The following MAPK10 variants were observed in gnomAD, a reference collection of about 807,000 sequenced individuals.
MAPK10 encodes the protein JNK3 alpha protein kinase.
MAPK10 carries 25 observed loss-of-function variants against 59.3 expected under a neutral mutation model. The observed-to-expected ratio is 0.42, with a 90% CI of 0.31 to 0.59. The LOEUF (loss-of-function observed/expected upper bound fraction) is 0.59. Ranked by LOEUF, MAPK10 falls within the 20% of genes least tolerant of loss-of-function variation. The probability of loss-of-function intolerance (pLI) is 0.15; values close to 1 mark genes in which losing one functional copy is unlikely to be tolerated. For synonymous variants in MAPK10, 190 were observed against 200.5 expected (o/e 0.95, Z 0.44); for missense variants, 351 against 568.9 (o/e 0.62, Z 3.90).
upstream of MAPK10, among the ~76,000 whole-genome samples, chr4:86,455,143 T>G (rs1320425297): frequency 6.6e-6 from 1 of 152,136 alleles, no homozygotes; most frequent in African/African-American, 2.4e-5. Flanking sequence ...GTCTAAATCT[T>G]GAAACATATC....
intron 1 of MAPK10, among the ~76,000 whole-genome samples, chr4:86,428,944 AT>A (rs1747666280): frequency 6.6e-6 from 1 of 152,200 alleles, no homozygotes; most frequent in Admixed American, 6.5e-5. Flanking sequence ...TATTCTCTGC[AT>A]AAAACATTAG....
At chr4:86,123,565 G>C (rs1207429965) in intron 4 of MAPK10, 1 of 152,056 alleles carries the variant, frequency 6.6e-6, no homozygotes, top group African/African-American at 2.4e-5. Context: ...GTCTAAGCAA[G>C]TGACATAACC....
At chr4:86,543,192 AG>A (rs1012407913) in intron 1 of MAPK10, among the ~76,000 whole-genome samples, 1 of 152,192 alleles carries the variant, frequency 6.6e-6, no homozygotes, top group Non-Finnish European at 1.5e-5. Flanking sequence ...CCAAAGAAGT[AG>A]GTGCATTGAG....
At chr4:86,452,620 C>T (rs1441195159) in intron 1 of MAPK10, among the ~76,000 whole-genome samples, 1 of 152,102 alleles carries the variant, frequency 6.6e-6, no homozygotes, top group Non-Finnish European at 1.5e-5. Flanking sequence ...ACATTAAACT[C>T]AACACACCAT....
At chr4:86,403,452 G>T (rs1192534360) in intron 1 of MAPK10, among the ~76,000 whole-genome samples, 1 of 152,046 alleles carries the variant, frequency 6.6e-6, no homozygotes, top group African/African-American at 2.4e-5. Context: ...GGAGACAGAG[G>T]TTGCAGTGAG....
At chr4:86,576,835 C>G (rs890118337) in intron 1 of MAPK10, among the ~76,000 whole-genome samples, 2 of 151,566 alleles carry the variant, frequency 1.3e-5, no homozygotes, top group South Asian at 2.1e-4. Flanking sequence ...GAACACTAGA[C>G]GAAGGTTTTA....
At chr4:86,042,492 TA>T (rs1426111396) in intron 11 of MAPK10, among the ~76,000 whole-genome samples, 5 of 151,742 alleles carry the variant, frequency 3.3e-5, no homozygotes, top group African/African-American at 4.8e-5. Context: ...AGTAAAATTT[TA>T]AAAAAAAGTG....
intron 2 of MAPK10, among the ~76,000 whole-genome samples, chr4:86,222,779 T>C (rs1431589979): frequency 6.6e-6 from 1 of 152,212 alleles, no homozygotes; most frequent in Non-Finnish European, 1.5e-5. Context: ...CCTAATAGAC[T>C]TTTACACACA....
At chr4:86,134,365 C>G (rs2061519586) in intron 4 of MAPK10, among the ~76,000 whole-genome samples, 1 of 152,112 alleles carries the variant, frequency 6.6e-6, no homozygotes, top group Admixed American at 6.6e-5. Flanking sequence ...ATCTAGCCAG[C>G]CAGACAAATT....
intron 2 of MAPK10, among the ~76,000 whole-genome samples, chr4:86,233,718 A>AT (rs2091902813): frequency 6.6e-6 from 1 of 152,220 alleles, no homozygotes; most frequent in Admixed American, 6.5e-5. Flanking sequence ...TTTCTCACTC[A>AT]TTTGAGTCAG....
chr4:86,015,370 GCT>G lies in MAPK10; in HGVS notation c.*1856_*1857del, dbSNP rs2148886867. The G allele has an allele frequency of 6.6e-6, 1 of 152,256 alleles. No homozygotes were observed. The highest frequency in any genetic ancestry group is 1.9e-4 in the East Asian group (1 of 5,180). The allele number at this position is 152,256 out of a possible 1,614,324, so 9.4% of individuals were successfully genotyped here. A position where few individuals can be genotyped will look rare whatever the true frequency, so the allele number is the denominator to read the frequency against. ...TTTCAGAGCACTGGCATTCTTGTTT[GCT>G]CTGTTTTGGGGATATTCTATTTGCC... On this transcript the variant is annotated 3_prime_UTR_variant, in exon 14 of 14. Transcript: ENST00000641462.
intron 4 of MAPK10, among the ~76,000 whole-genome samples, chr4:86,123,072 T>A (rs565715231): frequency 5.3e-5 from 8 of 152,150 alleles, no homozygotes; most frequent in African/African-American, 1.9e-4. Context: ...AAACATGAAA[T>A]CCATGCATAA....
At chr4:86,477,171 C>T (rs2149068750) in intron 1 of MAPK10, among the ~76,000 whole-genome samples, 1 of 152,296 alleles carries the variant, frequency 6.6e-6, no homozygotes, top group East Asian at 1.9e-4. Flanking sequence ...ACAGAGGCTA[C>T]TCACTCCACA....
At chr4:86,368,737 C>T (rs1034603208) in intron 1 of MAPK10, among the ~76,000 whole-genome samples, 2 of 151,946 alleles carry the variant, frequency 1.3e-5, no homozygotes, top group Non-Finnish European at 2.9e-5. Context: ...ATATCTGCCA[C>T]AATAAAAACA....
chr4:86,558,464 G>T (rs1175260467), intron 1 of MAPK10, among the ~76,000 whole-genome samples: 2 of 152,054 alleles, frequency 1.3e-5, no homozygotes, highest in Non-Finnish European at 1.5e-5. Flanking sequence ...TGAGGAAATG[G>T]AGACAAAAAG....
At chr4:86,581,676 TTGTGTGTGTGTGTGTG>T (rs56210798) in intron 1 of MAPK10, among the ~76,000 whole-genome samples, 10 of 136,866 alleles carry the variant, frequency 7.3e-5, no homozygotes, top group African/African-American at 2.4e-4. Context: ...TTTTCAGTTA[TTGTGTGTGTGTGTGTG>T]TGTGTGTGTG....
At chr4:86,369,429 G>C (rs1578940240) in intron 1 of MAPK10, among the ~76,000 whole-genome samples, 2 of 152,128 alleles carry the variant, frequency 1.3e-5, no homozygotes, top group South Asian at 4.2e-4. Flanking sequence ...TCAAACAATA[G>C]TACAAGTAAT....
In MAPK10 at chr4:86,359,326, G is replaced by GTGTA. The variant is rs1554248725; in HGVS notation, c.-122+331_-122+332insTACA. Among the ~76,000 whole-genome samples the GTGTA allele has an allele frequency of 7.1e-4, 101 of 143,026 alleles. 1 individual carries two copies. The highest frequency in any genetic ancestry group is 3.7e-3 in the Middle Eastern group (1 of 272). The allele number at this position is 143,026 out of a possible 152,430, so 93.8% of individuals were successfully genotyped here. The stretch of plus-strand genomic sequence containing the variant: ...TGTGTGTGTGTGTGTGTGTGTGTGT[G>GTGTA]TGTGTTTCTCTCTCTCTCCCTTCCC... On this transcript the variant is annotated intron_variant, in intron 1 of 13. Transcript: ENST00000641462.
At position 86,165,681 on chromosome 4, in the gene MAPK10, G is replaced by A. The variant is rs576393894; in HGVS notation, c.67-6214C>T. On this transcript the variant is annotated intron_variant, in intron 3 of 13. Coordinates refer to ENST00000641462, the MANE Select transcript of MAPK10 (RefSeq NM_138982.4). ...CTTCCAAAATGCTGATATTACAGGC[G>A]TGAGCCACAGCACCTGGCCTTATAT... is the stretch of plus-strand genomic sequence containing the variant. Among the ~76,000 whole-genome samples, 48 of 148,842 alleles carry A rather than the reference G, an allele frequency of 3.2e-4. 1 individual carries two copies. Among genetic ancestry groups the A allele is most frequent in the Admixed American group, 2.1e-3 (31 of 14,598 alleles).
Sources: allele counts gnomAD v4.1 joint callset (sites outside exome capture counted in the v4.1 genomes callset), GRCh38; gene constraint gnomAD v4.1.1; transcripts MANE v1.5; gene names NCBI Gene and HGNC (gene_info 2026-07-23, HGNC 2026-07-21).